Variants in CNBD1 observed in about 807,000 individuals in gnomAD.
CNBD1 encodes the protein cyclic nucleotide binding domain containing 1.
In CNBD1, 71 loss-of-function variants were observed where a neutral mutation model predicts 54.4. The ratio of observed to expected loss-of-function variants is 1.30; its 90% CI spans 1.08 to 1.59. The LOEUF is 1.59. CNBD1 is among the 40% of genes most tolerant of loss of function. The pLI is 0.00. For synonymous variants in CNBD1, 182 were observed against 170.7 expected, an observed-to-expected ratio of 1.07 and a Z score of -0.51; for missense variants, 659 against 518.0, an observed-to-expected ratio of 1.27 and a Z score of -2.64.
intron 8 of CNBD1, among the ~76,000 whole-genome samples, chr8:87,328,691 G>T (rs902274197): frequency 1.3e-5 from 2 of 151,928 alleles, no homozygotes; most frequent in South Asian, 2.1e-4. Flanking sequence ...AGATTACTTT[G>T]GGTATTTTGG....
At chr8:87,275,210 T>A (rs920189857) in intron 6 of CNBD1, among the ~76,000 whole-genome samples, 1 of 142,004 alleles carries the variant, frequency 7.0e-6, no homozygotes, top group Non-Finnish European at 1.5e-5. Flanking sequence ...GGTAGTGTGA[T>A]GCCTCCAGCT....
intron 4 of CNBD1, among the ~76,000 whole-genome samples, chr8:87,096,325 A>G (rs1022739334): frequency 8.0e-5 from 12 of 150,208 alleles, no homozygotes; most frequent in African/African-American, 3.0e-4. Context: ...GACAGAAAGA[A>G]GAATAGCTCT....
chr8:86,917,710 G>A (rs1023838503), intron 3 of CNBD1, among the ~76,000 whole-genome samples: 1 of 152,094 alleles, frequency 6.6e-6, no homozygotes, highest in Admixed American at 6.5e-5. Context: ...CCAACCTGCT[G>A]GCCACTCTGC....
chr8:86,902,707 T>A (rs1273366609), intron 2 of CNBD1, among the ~76,000 whole-genome samples: 1 of 151,968 alleles, frequency 6.6e-6, no homozygotes, highest in Admixed American at 6.6e-5. Flanking sequence ...AACTTCTTTG[T>A]CCATGGGTAG....
At chr8:87,105,641 A>C (rs1811518340) in intron 4 of CNBD1, among the ~76,000 whole-genome samples, 1 of 152,176 alleles carries the variant, frequency 6.6e-6, no homozygotes, top group Admixed American at 6.5e-5. Context: ...CTGGGAAAAA[A>C]GCATGGCCTC....
chr8:86,988,436 T>C (rs1379670886), intron 4 of CNBD1, among the ~76,000 whole-genome samples: 1 of 152,152 alleles, frequency 6.6e-6, no homozygotes, highest in Non-Finnish European at 1.5e-5. Flanking sequence ...GATATTTTAA[T>C]ATAGGCACAA....
chr8:87,330,931 A>G (rs887129909), intron 8 of CNBD1, among the ~76,000 whole-genome samples: 4 of 152,154 alleles, frequency 2.6e-5, no homozygotes, highest in Non-Finnish European at 5.9e-5. Context: ...TTGGGTCTTG[A>G]TTCTTTGATT....
chr8:87,417,325 G>A (rs998711351), intron 2 of CNBD1, among the ~76,000 whole-genome samples: 1 of 151,912 alleles, frequency 6.6e-6, no homozygotes, highest in African/African-American at 2.4e-5. Context: ...CCTCTACTGG[G>A]TCCCTCTCAT....
At chr8:86,908,058 G>A (rs1809044871) in intron 3 of CNBD1, among the ~76,000 whole-genome samples, 1 of 152,300 alleles carries the variant, frequency 6.6e-6, no homozygotes. Flanking sequence ...TGGGCAGCTG[G>A]TGATGCCAGG....
chr8:87,425,317 A>T (rs1212192920), intron 2 of CNBD1, among the ~76,000 whole-genome samples: 1 of 152,158 alleles, frequency 6.6e-6, no homozygotes, highest in Non-Finnish European at 1.5e-5. Context: ...TTCTTCTGTC[A>T]GCTCGTCAGT....
intron 2 of CNBD1, among the ~76,000 whole-genome samples, chr8:87,407,853 AT>A (rs1393268126): frequency 1.1e-4 from 16 of 151,878 alleles, no homozygotes; most frequent in Admixed American, 3.3e-4. Context: ...TGTATTTTTT[AT>A]TGATTTGTAG....
chr8:87,378,537 T>A (rs1810999257), intron 10 of CNBD1, among the ~76,000 whole-genome samples: 1 of 150,938 alleles, frequency 6.6e-6, no homozygotes, highest in South Asian at 2.1e-4. Context: ...ACCAGTACCA[T>A]GCTGTTTTGG....
At chr8:87,002,449 C>T (rs188653633) in intron 4 of CNBD1, among the ~76,000 whole-genome samples, 5 of 152,192 alleles carry the variant, frequency 3.3e-5, no homozygotes, top group Admixed American at 2.6e-4. Context: ...CATGTTTTTC[C>T]CTCCCACATG....
intron 3 of CNBD1, among the ~76,000 whole-genome samples, chr8:86,935,641 CA>C (rs1197755429): frequency 1.3e-5 from 2 of 151,948 alleles, no homozygotes; most frequent in South Asian, 4.1e-4. Flanking sequence ...TTTTTGTTCT[CA>C]AAAATTTTTT....
intron 4 of CNBD1, among the ~76,000 whole-genome samples, chr8:86,988,143 G>GTTTTTTTTTTTTT (rs34699647): frequency 7.4e-6 from 1 of 134,352 alleles, no homozygotes; most frequent in Non-Finnish European, 1.6e-5. Flanking sequence ...TGGTTGATAG[G>GTTTTTTTTTTTTT]TTTTTTTTTT....
chr8:86,897,439 A>G lies in CNBD1; in HGVS notation c.159-7642A>G, dbSNP rs557655194. ...TGAAAGAGCAGACATGGTATGGAGT[A>G]TGAAAAGAGGCTCTGGGATTGTCTA... On this transcript the variant is annotated intron_variant, in intron 2 of 10. Transcript: ENST00000518476. 9.7e-4 allele frequency among the ~76,000 whole-genome samples: 147 copies of G among 152,290 alleles called. 2 individuals are homozygous for G. Among genetic ancestry groups the G allele is most frequent in the African/African-American group, 3.4e-3 (143 of 41,584 alleles).
chr8:87,319,447 T>G (rs192379983), intron 8 of CNBD1, among the ~76,000 whole-genome samples: 2 of 152,192 alleles, frequency 1.3e-5, no homozygotes, highest in Admixed American at 1.3e-4. Context: ...TGCAGAAATT[T>G]TACCTCACGT....
At chr8:86,904,273 T>C (rs950930580) in intron 2 of CNBD1, among the ~76,000 whole-genome samples, 10 of 152,076 alleles carry the variant, frequency 6.6e-5, no homozygotes, top group African/African-American at 2.2e-4. Context: ...TAATTTTTTA[T>C]AATTATTGAA....
chr8:87,291,179 A>G (rs561878591), intron 8 of CNBD1, among the ~76,000 whole-genome samples: 4 of 152,274 alleles, frequency 2.6e-5, no homozygotes, highest in Non-Finnish European at 5.9e-5. Flanking sequence ...CCTATATCTC[A>G]AAGTTTTAAT....
Sources: allele counts gnomAD v4.1 joint callset (sites outside exome capture counted in the v4.1 genomes callset), GRCh38; gene constraint gnomAD v4.1.1; transcripts MANE v1.5; gene names NCBI Gene and HGNC (gene_info 2026-07-23, HGNC 2026-07-21).